The following PARVA variants were observed in gnomAD, a reference collection of about 807,000 sequenced individuals.
PARVA encodes the protein alpha-parvin.
Under a neutral mutation model 52.6 loss-of-function variants are expected in PARVA, and 25 were observed. The observed-to-expected ratio is 0.48, with a 90% CI of 0.35 to 0.66. The LOEUF is 0.66. Ranked by LOEUF, PARVA falls within the 30% of genes least tolerant of loss-of-function variation. PARVA has a pLI of 0.01. For synonymous variants in PARVA, 185 were observed against 179.1 expected (o/e 1.03, Z -0.26); for missense variants, 373 against 450.9 (o/e 0.83, Z 1.56).
At chr11:12,457,598 C>A (rs1940715266) in intron 1 of PARVA, among the ~76,000 whole-genome samples, 1 of 152,184 alleles carries the variant, frequency 6.6e-6, no homozygotes, top group South Asian at 2.1e-4. Context: ...AACGTCCTGG[C>A]TCTGGTGTAG....
intron 1 of PARVA, among the ~76,000 whole-genome samples, chr11:12,470,497 G>A (rs534838914): frequency 6.6e-6 from 1 of 152,334 alleles, no homozygotes; most frequent in East Asian, 1.9e-4. Flanking sequence ...GAGCTGGTGA[G>A]TGGTAGAGTC....
chr11:12,383,513 A>G (rs182551949), intron 1 of PARVA, among the ~76,000 whole-genome samples: 2 of 152,332 alleles, frequency 1.3e-5, no homozygotes, highest in Admixed American at 1.3e-4. Context: ...ACTAGTTCTT[A>G]CCACTTGATT....
rs1941812728 is a variant in PARVA, at chr11:12,534,528, T to C, written c.*6603T>C. Among the ~76,000 whole-genome samples, 6 of 152,254 alleles carry C rather than the reference T, an allele frequency of 3.9e-5. No homozygotes were observed. In the South Asian group the frequency reaches 1.2e-3, roughly 32 times the overall value. On this transcript the variant is annotated 3_prime_UTR_variant, in exon 13 of 13. Coordinates refer to ENST00000334956, the MANE Select transcript of PARVA (RefSeq NM_018222.5). Reference sequence around the variant, plus strand: ...CCCATTATTAAGATAAATGATGTTTTATCAATGAAGCAGACTTTTCATTTC... The same window carrying C: ...CCCATTATTAAGATAAATGATGTTTCATCAATGAAGCAGACTTTTCATTTC...
At chr11:12,469,180 G>A (rs1192017966) in intron 1 of PARVA, among the ~76,000 whole-genome samples, 1 of 152,132 alleles carries the variant, frequency 6.6e-6, no homozygotes, top group Non-Finnish European at 1.5e-5. Flanking sequence ...AGGTTCCACA[G>A]CTGATAAAAA....
intron 1 of PARVA, among the ~76,000 whole-genome samples, chr11:12,456,798 T>A (rs888674087): frequency 1.3e-5 from 2 of 152,058 alleles, no homozygotes; most frequent in Non-Finnish European, 2.9e-5. Flanking sequence ...ATCCCCAGGC[T>A]CCCATAGAGT....
At chr11:12,508,448 C>T in intron 6 of PARVA, 136 bp from the exon 7 acceptor site, 1 of 700,280 alleles carries the variant, frequency 1.4e-6, no homozygotes, top group Non-Finnish European at 2.5e-6. Context: ...TCACTTCCAG[C>T]ATTATCTTAT....
intron 1 of PARVA, among the ~76,000 whole-genome samples, chr11:12,459,085 C>A (rs1426865327): frequency 6.6e-6 from 1 of 152,142 alleles, no homozygotes; most frequent in African/African-American, 2.4e-5. Context: ...AGGGAAGTCC[C>A]TGAAGTTTTC....
Position 12,423,337 on chromosome 11 carries a change from C to T in PARVA, c.136+45554C>T, listed in dbSNP as rs946473333. On this transcript the variant is annotated intron_variant, in intron 1 of 12. Coordinates refer to ENST00000334956, the MANE Select transcript of PARVA (RefSeq NM_018222.5). ...AGGACCACAGGCGTGCGCCACCATG[C>T]GTGGCTAATTTTTGTTTTTTTTTTT... 6.2e-5 allele frequency among the ~76,000 whole-genome samples: 9 copies of T among 145,150 alleles called. No individual in the cohort carries two copies. The East Asian group carries it at 8.3e-4, about 13-fold the overall frequency.
chr11:12,498,311 C>A (rs1400607034), intron 5 of PARVA, among the ~76,000 whole-genome samples: 1 of 152,166 alleles, frequency 6.6e-6, no homozygotes, highest in South Asian at 2.1e-4. Flanking sequence ...GCTAGAATTA[C>A]AGGCACAAGC....
intron 4 of PARVA, among the ~76,000 whole-genome samples, chr11:12,486,017 TGAAACA>T (rs1207695277): frequency 2.0e-5 from 3 of 152,256 alleles, no homozygotes; most frequent in East Asian, 3.9e-4. Context: ...GACCGTTTCC[TGAAACA>T]GAAAAAGGGC....
chr11:12,482,442 T>C (rs1386213847), intron 4 of PARVA, among the ~76,000 whole-genome samples: 1 of 151,960 alleles, frequency 6.6e-6, no homozygotes, highest in Non-Finnish European at 1.5e-5. Flanking sequence ...CTGACCAACA[T>C]GGTGAAACCC....
At chr11:12,463,251 G>A (rs1940809081) in intron 1 of PARVA, among the ~76,000 whole-genome samples, 1 of 151,672 alleles carries the variant, frequency 6.6e-6, no homozygotes, top group Admixed American at 6.6e-5. Context: ...ACTATATTTT[G>A]TCTAAAGCCA....
intron 1 of PARVA, among the ~76,000 whole-genome samples, chr11:12,451,868 G>C (rs570012343): frequency 6.6e-6 from 1 of 152,066 alleles, no homozygotes; most frequent in Non-Finnish European, 1.5e-5. Flanking sequence ...AGAATATCGC[G>C]CTTCTTAGCT....
intron 1 of PARVA, among the ~76,000 whole-genome samples, chr11:12,412,891 G>A (rs1940010517): frequency 6.6e-6 from 1 of 152,206 alleles, no homozygotes; most frequent in Non-Finnish European, 1.5e-5. Flanking sequence ...AGAAGTTGGA[G>A]CCAAAATCTC....
intron 6 of PARVA, among the ~76,000 whole-genome samples, chr11:12,504,744 G>T (rs1269403118): frequency 6.8e-6 from 1 of 147,814 alleles, no homozygotes; most frequent in Non-Finnish European, 1.5e-5. Context: ...TGTGAGCTGT[G>T]TGTCATGGGG....
intron 6 of PARVA, among the ~76,000 whole-genome samples, chr11:12,505,437 C>T (rs1941421832): frequency 6.6e-6 from 1 of 152,190 alleles, no homozygotes; most frequent in Non-Finnish European, 1.5e-5. Context: ...GGAAATGGTC[C>T]TCCTAATCAA....
At chr11:12,382,361 T>C (rs7124677) in intron 1 of PARVA, among the ~76,000 whole-genome samples, 21,568 of 151,656 alleles carry the variant, frequency 0.14, 2,807 homozygotes, top group African/African-American at 0.35. Context: ...TTTATGCATT[T>C]GTGACATGAG....
rs376078700 is a variant in PARVA, at chr11:12,408,471, G to A, written c.136+30688G>A. 2.0e-5 allele frequency among the ~76,000 whole-genome samples: 3 copies of A among 152,292 alleles called. No individual in the cohort carries two copies. The South Asian group carries it at 6.2e-4, about 32-fold the overall frequency. ...CACTTCACAAAGCTGGGGACTGCTT[G>A]GGAGCTGGACCCAATGTTTTCATCC... is the stretch of plus-strand genomic sequence containing the variant. On this transcript the variant is annotated intron_variant, in intron 1 of 12. Transcript: ENST00000334956.
At chr11:12,437,462 A>G (rs1183042476) in intron 1 of PARVA, among the ~76,000 whole-genome samples, 2 of 152,204 alleles carry the variant, frequency 1.3e-5, no homozygotes, top group African/African-American at 4.8e-5. Flanking sequence ...GCATCATCAC[A>G]GTGTATGAAC....
Sources: allele counts gnomAD v4.1 joint callset (sites outside exome capture counted in the v4.1 genomes callset), GRCh38; gene constraint gnomAD v4.1.1; transcripts MANE v1.5; gene names NCBI Gene and HGNC (gene_info 2026-07-23, HGNC 2026-07-21).